Variants in GOLT1A observed in about 807,000 individuals in gnomAD.
The protein encoded by GOLT1A is golgi transport 1A.
GOLT1A carries 10 observed loss-of-function variants against 16.1 expected under a neutral mutation model. The ratio of observed to expected loss-of-function variants is 0.62; its 90% CI spans 0.38 to 1.05. GOLT1A has a LOEUF of 1.05. Among genes scored for constraint, GOLT1A ranks in the 50% least tolerant of loss-of-function variants. The pLI is 0.01. For missense variants in GOLT1A, 137 were observed against 165.7 expected, an observed-to-expected ratio of 0.83 and a Z score of 0.95; for synonymous variants, 60 against 67.9, an observed-to-expected ratio of 0.88 and a Z score of 0.57.
Position 204,198,390 on chromosome 1 carries a change from G to A in GOLT1A, c.*68C>T, listed in dbSNP as rs1012343022. ...GTGAGTCAGTGCAGGGGACTGAGGG[G>A]GTGGTTCCCATTCTCCCTCTAGCCC... is the stretch of plus-strand genomic sequence containing the variant. On this transcript the variant is annotated 3_prime_UTR_variant, in exon 5 of 5. Coordinates refer to ENST00000308302, the MANE Select transcript of GOLT1A (RefSeq NM_198447.2). 6 of 1,416,144 alleles carry A rather than the reference G, an allele frequency of 4.2e-6. No homozygotes were observed. The Admixed American group carries it at 1.0e-4, about 24-fold the overall frequency. The allele number at this position is 1,416,144 out of a possible 1,614,324, so 87.7% of individuals were successfully genotyped here. A position where few individuals can be genotyped will look rare whatever the true frequency, so the allele number is the denominator to read the frequency against.
chr1:204,213,574 G>A (rs754694988), intron 1 of GOLT1A, among the ~76,000 whole-genome samples: 4 of 152,234 alleles, frequency 2.6e-5, no homozygotes, highest in Non-Finnish European at 5.9e-5. Flanking sequence ...GGCCTCCTGA[G>A]TCCACCTTTG....
At chr1:204,199,081 G>A (rs1658909997) in intron 4 of GOLT1A, 114 bp downstream of exon 4, 2 of 877,166 alleles carry the variant, frequency 2.3e-6, no homozygotes, top group South Asian at 1.5e-5. Flanking sequence ...GGGTCTGAGG[G>A]GAGACAGGGG....
At chr1:204,199,300 G>A (rs1316589728) in intron 3 of GOLT1A, 42 bp from the exon 4 acceptor site, 10 of 1,514,554 alleles carry the variant, frequency 6.6e-6, no homozygotes, top group African/African-American at 1.4e-5. Flanking sequence ...TGATGGCCCA[G>A]GAAGAGAGGA....
chr1:204,201,677 G>A lies in GOLT1A; in HGVS notation c.252C>T (p.Leu84=). The A allele has an allele frequency of 6.2e-7, 1 of 1,614,188 alleles. No individual in the cohort carries two copies. The highest frequency in any genetic ancestry group is 1.1e-5 in the South Asian group (1 of 91,084). The change falls in exon 3 of 5, where the codon CTC becomes CTT. Residue 84 remains leucine, a synonymous_variant. Transcript: ENST00000308302. ...CGTAGGTTTCCAGGAACATGCCGAG[G>A]AGGGGCCAGCGTAGGAGCACGATAA... ...GVVIVLLRWP[L]LGMFLETYGF...
chr1:204,207,626 A>G (rs1019525825), intron 1 of GOLT1A, among the ~76,000 whole-genome samples: 2 of 152,248 alleles, frequency 1.3e-5, no homozygotes, highest in African/African-American at 4.8e-5. Flanking sequence ...CTCATGGAGC[A>G]GGCAGATGAG....
At chr1:204,200,012 A>G (rs141470159) in intron 3 of GOLT1A, among the ~76,000 whole-genome samples, 88 of 152,026 alleles carry the variant, frequency 5.8e-4, no homozygotes, top group Admixed American at 3.5e-3. Flanking sequence ...TGATAGCTGT[A>G]ATTTGTTTGC....
At position 204,201,616 on chromosome 1, in the gene GOLT1A, T is replaced by C. The variant is rs548640755; in HGVS notation, c.296+17A>G. On this transcript the variant is annotated intron_variant, in intron 3 of 4. Coordinates refer to ENST00000308302, the MANE Select transcript of GOLT1A (RefSeq NM_198447.2). Reference sequence around the variant, plus strand: ...ACTTTGGTGGGTCTGTCCAGGGTTATAGGGATTTGCACTCACTTAAAGAGG... The same window carrying C: ...ACTTTGGTGGGTCTGTCCAGGGTTACAGGGATTTGCACTCACTTAAAGAGG... 26 of 1,613,556 alleles carry C rather than the reference T, an allele frequency of 1.6e-5. 1 individual carries two copies. In the South Asian group the frequency reaches 2.1e-4, roughly 13 times the overall value.
intron 1 of GOLT1A, among the ~76,000 whole-genome samples, chr1:204,209,498 A>T (rs1426948929): frequency 6.6e-6 from 1 of 152,228 alleles, no homozygotes; most frequent in Non-Finnish European, 1.5e-5. Context: ...GAAGGAGGGA[A>T]ATAAGGAGAG....
chr1:204,204,107 CAAT>C (rs1198319341), intron 1 of GOLT1A, among the ~76,000 whole-genome samples: 1 of 152,164 alleles, frequency 6.6e-6, no homozygotes, highest in East Asian at 1.9e-4. Context: ...CTATGATAGT[CAAT>C]AAATAAAAAT....
chr1:204,208,189 G>A (rs1442756040), intron 1 of GOLT1A, among the ~76,000 whole-genome samples: 4 of 151,766 alleles, frequency 2.6e-5, no homozygotes, highest in South Asian at 2.1e-4. Context: ...ATCATTATAC[G>A]GAAAAGATAC....
chr1:204,211,812 T>C (rs1571679757), intron 1 of GOLT1A, among the ~76,000 whole-genome samples: 1 of 152,216 alleles, frequency 6.6e-6, no homozygotes, highest in Admixed American at 6.5e-5. Context: ...CATTTTTTAT[T>C]GTCACAACTT....
chr1:204,200,299 G>GTGTATATATATA lies in GOLT1A; in HGVS notation c.297-1042_297-1041insTATATATATACA. On this transcript the variant is annotated intron_variant, in intron 3 of 4. Transcript: ENST00000308302. ...GACTGTTTGAAAATGACATATATGT[G>GTGTATATATATA]TATATATATATATATATATATGTTT... Among the ~76,000 whole-genome samples, 20 of 82,664 alleles carry GTGTATATATATA rather than the reference G, an allele frequency of 2.4e-4. 1 individual carries two copies. Among genetic ancestry groups the GTGTATATATATA allele is most frequent in the Admixed American group, 7.3e-4 (6 of 8,206 alleles). 54.2% of individuals were successfully genotyped at this position (82,664 alleles called of 152,430 possible).
At position 204,205,204 on chromosome 1, in the gene GOLT1A, G is replaced by A. The variant is rs918520219; in HGVS notation, c.26-2217C>T. Among the ~76,000 whole-genome samples, 4 of 152,086 alleles carry A rather than the reference G, an allele frequency of 2.6e-5. No homozygotes were observed. The East Asian group carries it at 7.7e-4, about 29-fold the overall frequency. On this transcript the variant is annotated intron_variant, in intron 1 of 4. Transcript: ENST00000308302. ...GTCTTTTTTTTCTTTTGTTGTCTGT[G>A]CTTTTCATGTCATAACCTAGAAATC...
At chr1:204,207,639 C>T (rs181429313) in intron 1 of GOLT1A, among the ~76,000 whole-genome samples, 6 of 152,336 alleles carry the variant, frequency 3.9e-5, no homozygotes, top group Admixed American at 3.3e-4. Context: ...CAGATGAGTC[C>T]TTCTGGCCTC....
intron 1 of GOLT1A, among the ~76,000 whole-genome samples, chr1:204,203,832 C>T (rs1658999891): frequency 6.6e-6 from 1 of 151,694 alleles, no homozygotes; most frequent in East Asian, 1.9e-4. Context: ...CAAGGTTTGA[C>T]AGTAAGCCCC....
intron 1 of GOLT1A, among the ~76,000 whole-genome samples, chr1:204,207,502 G>A (rs753286218): frequency 1.3e-5 from 2 of 152,194 alleles, no homozygotes; most frequent in Non-Finnish European, 2.9e-5. Flanking sequence ...ATGGCCACCC[G>A]ATACGGACAA....
Position 204,202,906 on chromosome 1 carries a change from G to C in GOLT1A, c.107C>G (p.Ala36Gly). The C allele has an allele frequency of 6.2e-7, 1 of 1,613,840 alleles. No individual in the cohort carries two copies. The highest frequency in any genetic ancestry group is 8.5e-7 in the Non-Finnish European group (1 of 1,179,780). ...GGCTGGGAGACTCACGTTTCCAAAG[G>C]CCAGGAGCACGGAATCAAAGTACAG... ...TLLYFDSVLL[A>G]FGNLLFLTGL... Residue 36 changes from alanine to glycine, a missense_variant, in exon 2 of 5, where the codon GCC (alanine) becomes GGC (glycine). Transcript: ENST00000308302.
At chr1:204,208,756 A>G (rs1265891145) in intron 1 of GOLT1A, among the ~76,000 whole-genome samples, 1 of 151,992 alleles carries the variant, frequency 6.6e-6, no homozygotes, top group Non-Finnish European at 1.5e-5. Context: ...GGTACAATGT[A>G]CACTGCTCGG....
chr1:204,212,636 CAAAAAA>C (rs34059752), intron 1 of GOLT1A, among the ~76,000 whole-genome samples: 4 of 84,186 alleles, frequency 4.8e-5, no homozygotes, highest in Non-Finnish European at 9.2e-5. Context: ...GACTCTGTCT[CAAAAAA>C]AAAAAAAAAA....
Sources: allele counts gnomAD v4.1 joint callset (sites outside exome capture counted in the v4.1 genomes callset), GRCh38; gene constraint gnomAD v4.1.1; transcripts MANE v1.5; gene names NCBI Gene and HGNC (gene_info 2026-07-23, HGNC 2026-07-21).